Variants in PCTP observed in about 807,000 individuals in gnomAD.
PCTP encodes START domain-containing protein 2.
PCTP carries 27 observed loss-of-function variants against 31.0 expected under a neutral mutation model. That is an observed-to-expected ratio of 0.87 (90% CI 0.64 to 1.20). PCTP has a LOEUF of 1.20. Ranked by LOEUF, PCTP falls within the 50% of genes most tolerant of loss-of-function variation. PCTP has a pLI of 0.00. For synonymous variants in PCTP, 108 were observed against 101.2 expected (o/e 1.07, Z -0.40); for missense variants, 287 against 268.2 (o/e 1.07, Z -0.49).
chr17:55,845,914 G>C (rs1906139098), downstream of PCTP, among the ~76,000 whole-genome samples: 1 of 151,638 alleles, frequency 6.6e-6, no homozygotes. Flanking sequence ...GTGTGTGTGT[G>C]TGTGTGTGTG....
Position 55,776,707 on chromosome 17 carries a change from T to C in PCTP, c.*607T>C. 1 of 1,207,896 alleles carries C rather than the reference T, an allele frequency of 8.3e-7. No homozygotes were observed. 74.8% of individuals were successfully genotyped at this position (1,207,896 alleles called of 1,614,324 possible). ...CAGTAAGTCTTTCCTCGTTCCTACT[T>C]GTGGAGGATCAGTAGCTGTTATGAT... On this transcript the variant is annotated 3_prime_UTR_variant, in exon 6 of 6. Coordinates refer to ENST00000268896, the MANE Select transcript of PCTP (RefSeq NM_021213.4).
At chr17:55,847,339 A>G (rs1421645958), downstream of PCTP, among the ~76,000 whole-genome samples, 1 of 152,130 alleles carries the variant, frequency 6.6e-6, no homozygotes, top group African/African-American at 2.4e-5. Context: ...GCCCTACCCA[A>G]ATTTCATCTT....
chr17:55,751,613 T>TGGGGGGG, intron 1 of PCTP: 1 of 389,456 alleles, frequency 2.6e-6, no homozygotes, highest in Non-Finnish European at 4.1e-6. Context: ...ATATGGGGGC[T>TGGGGGGG]GGGGTGGGGG....
chr17:55,806,175 AAGAG>A (rs1019529076), intron 3 of PCTP, among the ~76,000 whole-genome samples: 1 of 152,040 alleles, frequency 6.6e-6, no homozygotes, highest in African/African-American at 2.4e-5. Flanking sequence ...GAAAAACAGA[AAGAG>A]AGGGGATCTA....
rs1293167074 is a variant in PCTP at position 55,777,338 on chromosome 17, G to T, written c.*1238G>T. The stretch of plus-strand genomic sequence containing the variant: ...GTTTGTTTTCTTTCTGGGAAGAAAA[G>T]TGTGTTCTATAATGAATAAATATAG... On this transcript the variant is annotated 3_prime_UTR_variant, in exon 6 of 6. Transcript: ENST00000268896. The T allele has an allele frequency of 1.0e-6, 1 of 984,572 alleles. No homozygotes were observed. Among genetic ancestry groups the T allele is most frequent in the African/African-American group, 1.7e-5 (1 of 57,216 alleles). The allele number at this position is 984,572 out of a possible 1,614,324, so 61.0% of individuals were successfully genotyped here.
chr17:55,776,013 G>A (rs376856938), intron 5 of PCTP, 22 bp from the exon 6 acceptor site: 93 of 1,613,326 alleles, frequency 5.8e-5, no homozygotes, highest in Non-Finnish European at 7.3e-5. Context: ...ACATAGAAAT[G>A]ACAGTCTCAT....
At chr17:55,826,165 A>G (rs1217019236), downstream of PCTP, among the ~76,000 whole-genome samples, 2 of 152,172 alleles carry the variant, frequency 1.3e-5, no homozygotes. Flanking sequence ...GCACAGTGGT[A>G]GGATGTTGGA....
chr17:55,776,788 A>C lies in PCTP; in HGVS notation c.*688A>C. The C allele has an allele frequency of 9.3e-7, 1 of 1,075,566 alleles. No homozygotes were observed. The highest frequency in any genetic ancestry group is 1.1e-6 in the Non-Finnish European group (1 of 888,998). 66.6% of individuals were successfully genotyped at this position (1,075,566 alleles called of 1,614,324 possible). A position where few individuals can be genotyped will look rare whatever the true frequency, so the allele number is the denominator to read the frequency against. Reference sequence around the variant, plus strand: ...TGACCGGACACATAATATGACAACCACATTTTTCCTCATCATCCATGAGGA... The same window carrying C: ...TGACCGGACACATAATATGACAACCCCATTTTTCCTCATCATCCATGAGGA... On this transcript the variant is annotated 3_prime_UTR_variant, in exon 6 of 6. Transcript: ENST00000268896.
At position 55,767,361 on chromosome 17, in the gene PCTP, C is replaced by A. The variant is rs748281325; in HGVS notation, c.168C>A (p.Val56=). The A allele has an allele frequency of 6.2e-7, 1 of 1,612,324 alleles. No homozygotes were observed. Among genetic ancestry groups the A allele is most frequent in the East Asian group, 2.2e-5 (1 of 44,838 alleles). ...AGACTGGACTTTATGAGTATAAAGTCTTTGGTGTTCTGGAGGACTGCTCAC... is the reference window on the plus strand; with the variant it reads ...AGACTGGACTTTATGAGTATAAAGTATTTGGTGTTCTGGAGGACTGCTCAC... The part of the protein sequence containing the change: ...DKKTGLYEYK[V]FGVLEDCSPT... Residue 56 remains valine, a synonymous_variant, in exon 2 of 6, where the codon GTC becomes GTA. Transcript: ENST00000268896.
At chr17:55,760,365 T>A (rs1224021654) in intron 1 of PCTP, among the ~76,000 whole-genome samples, 1 of 152,244 alleles carries the variant, frequency 6.6e-6, no homozygotes, top group Non-Finnish European at 1.5e-5. Flanking sequence ...ATGGGAATGA[T>A]ATCTAATATT....
downstream of PCTP, among the ~76,000 whole-genome samples, chr17:55,779,071 T>A (rs1911467779): frequency 6.6e-6 from 1 of 152,150 alleles, no homozygotes; most frequent in Non-Finnish European, 1.5e-5. Flanking sequence ...CCCCATTCAG[T>A]TCTCACATTT....
intron 1 of PCTP, among the ~76,000 whole-genome samples, chr17:55,766,373 T>C (rs902084456): frequency 6.6e-6 from 1 of 151,492 alleles, no homozygotes; most frequent in Non-Finnish European, 1.5e-5. Flanking sequence ...AACTCGTCAT[T>C]TAGCATTAGA....
chr17:55,807,328 T>C (rs1206368250), intron 3 of PCTP, among the ~76,000 whole-genome samples: 1 of 152,184 alleles, frequency 6.6e-6, no homozygotes, highest in Non-Finnish European at 1.5e-5. Flanking sequence ...AGATTTCTAC[T>C]GGCAGAAGCT....
chr17:55,835,440 T>C lies in PCTP; in HGVS notation n.506-7287T>C, dbSNP rs545306182. 9.2e-5 allele frequency among the ~76,000 whole-genome samples: 14 copies of C among 152,370 alleles called. No homozygotes were observed. In the East Asian group the frequency reaches 2.7e-3, roughly 29 times the overall value. ...TTAAAAATCTTCCTTCCTCATTTTCTGATTTCTACTTTGCTTCTGGCTTAT... is the reference window on the plus strand; with the variant it reads ...TTAAAAATCTTCCTTCCTCATTTTCCGATTTCTACTTTGCTTCTGGCTTAT... On this transcript the variant is annotated intron_variant and non_coding_transcript_variant, in intron 5 of 5. Coordinates refer to the PCTP transcript ENST00000576221.
intron 3 of PCTP, 122 bp downstream of exon 3, chr17:55,771,307 T>C: frequency 1.3e-6 from 1 of 759,530 alleles, no homozygotes; most frequent in Non-Finnish European, 2.3e-6. Flanking sequence ...TTGTCTCTGA[T>C]TCTTGCAGCA....
chr17:55,833,720 A>T (rs1164222816), intron 5 of PCTP, among the ~76,000 whole-genome samples: 1 of 152,216 alleles, frequency 6.6e-6, no homozygotes, highest in Non-Finnish European at 1.5e-5. Flanking sequence ...TTTGAGAACC[A>T]CTTATTAATT....
Position 55,807,307 on chromosome 17 carries a change from AAAC to A in PCTP, c.318-15450_318-15448del, listed in dbSNP as rs573201711. 2.8e-4 allele frequency among the ~76,000 whole-genome samples: 42 copies of A among 152,312 alleles called. No individual in the cohort carries two copies. The South Asian group carries it at 8.3e-3, about 30-fold the overall frequency. On this transcript the variant is annotated intron_variant, in intron 3 of 3. Transcript: ENST00000572536. Reference sequence around the variant, plus strand: ...AGTTCTCAGAAGTGTTTATAAAACTAAACAACCCATAGATTTCTACTGGCAGAA... The same window carrying A: ...AGTTCTCAGAAGTGTTTATAAAACTAAACCCATAGATTTCTACTGGCAGAA...
downstream of PCTP, among the ~76,000 whole-genome samples, chr17:55,778,198 A>G (rs1409193707): frequency 7.1e-6 from 1 of 141,614 alleles, no homozygotes; most frequent in Non-Finnish European, 1.5e-5. Flanking sequence ...GAGCTATAGT[A>G]AGTGCCAAAG....
intron 5 of PCTP, among the ~76,000 whole-genome samples, chr17:55,835,036 G>T (rs922193802): frequency 1.3e-5 from 2 of 152,176 alleles, no homozygotes; most frequent in African/African-American, 2.4e-5. Context: ...TTTGGACACA[G>T]ATGCGGAGAC....
Sources: allele counts gnomAD v4.1 joint callset (sites outside exome capture counted in the v4.1 genomes callset), GRCh38; gene constraint gnomAD v4.1.1; transcripts MANE v1.5; gene names NCBI Gene and HGNC (gene_info 2026-07-23, HGNC 2026-07-21).